The following SHANK2 variants were observed in gnomAD, a reference collection of about 807,000 sequenced individuals.
The protein encoded by SHANK2 is SH3 and multiple ankyrin repeat domains 2.
SHANK2 carries 43 observed loss-of-function variants against 133.7 expected under a neutral mutation model. The ratio of observed to expected loss-of-function variants is 0.32; its 90% CI spans 0.25 to 0.41. SHANK2 has a LOEUF of 0.41. Among genes scored for constraint, SHANK2 ranks in the 10% least tolerant of loss-of-function variants. SHANK2 has a pLI of 1.00. For synonymous variants in SHANK2, 1,017 were observed against 952.8 expected (o/e 1.07, Z -1.24); for missense variants, 1,994 against 2,235.8 (o/e 0.89, Z 2.18).
intron 17 of SHANK2, among the ~76,000 whole-genome samples, chr11:70,568,650 C>CCCT (rs575894929): frequency 7.2e-5 from 9 of 124,862 alleles, no homozygotes; most frequent in Admixed American, 2.4e-4. Flanking sequence ...ATTCCTGCCC[C>CCCT]CCCCGCCCAC....
At chr11:70,492,291 A>G in intron 22 of SHANK2, 44 bp downstream of exon 22, 4 of 1,602,584 alleles carry the variant, frequency 2.5e-6, no homozygotes. Flanking sequence ...CTTCCTGGGC[A>G]CCGTCGGCCC....
chr11:71,246,460 T>A (rs1464701012), intron 1 of SHANK2, among the ~76,000 whole-genome samples: 2 of 152,172 alleles, frequency 1.3e-5, no homozygotes, highest in Non-Finnish European at 2.9e-5. Context: ...TGGCATCACA[T>A]GTCACTGCCT....
intron 17 of SHANK2, among the ~76,000 whole-genome samples, chr11:70,590,886 G>C (rs1321201124): frequency 6.6e-6 from 1 of 152,186 alleles, no homozygotes. Flanking sequence ...AGAGCTGAGA[G>C]TCATCCTGGA....
At chr11:70,818,945 C>A (rs1164663958) in intron 12 of SHANK2, among the ~76,000 whole-genome samples, 1 of 152,250 alleles carries the variant, frequency 6.6e-6, no homozygotes, top group African/African-American at 2.4e-5. Flanking sequence ...ACGGAGCTTG[C>A]CAGGTGGAGC....
chr11:70,953,739 C>A (rs2135907447), intron 10 of SHANK2, among the ~76,000 whole-genome samples: 1 of 152,358 alleles, frequency 6.6e-6, no homozygotes, highest in East Asian at 1.9e-4. Flanking sequence ...TGTCCACCTT[C>A]TCTGGCGACA....
At chr11:71,086,057 ATATAT>A (rs1388842679) in intron 8 of SHANK2, among the ~76,000 whole-genome samples, 3 of 78,154 alleles carry the variant, frequency 3.8e-5, no homozygotes, top group African/African-American at 5.6e-5. Flanking sequence ...ATGTTATATA[ATATAT>A]TATATAATAT....
At chr11:70,756,920 C>T (rs1946888469) in intron 14 of SHANK2, among the ~76,000 whole-genome samples, 1 of 152,190 alleles carries the variant, frequency 6.6e-6, no homozygotes, top group African/African-American at 2.4e-5. Context: ...TGGGCTCAGA[C>T]CCAGGCTCCA....
chr11:70,946,926 T>G (rs1167233274), intron 10 of SHANK2, among the ~76,000 whole-genome samples: 3 of 118,916 alleles, frequency 2.5e-5, no homozygotes, highest in African/African-American at 1.0e-4. Flanking sequence ...AGGCTCACCC[T>G]CCCTCTCCAC....
At position 71,207,225 on chromosome 11, in the gene SHANK2, G is replaced by C. The variant is rs185012972; in HGVS notation, c.-13+17472C>G. ...GACAGAGTCTTACTCTATCAACCAG[G>C]CTGGAGTGCAATGGCGCAATCTCGG... On this transcript the variant is annotated intron_variant, in intron 2 of 25. Transcript: ENST00000601538. 4.4e-3 allele frequency among the ~76,000 whole-genome samples: 649 copies of C among 146,854 alleles called. 9 individuals carry two copies. Among genetic ancestry groups the C allele is most frequent in the African/African-American group, 0.016 (625 of 39,212 alleles).
intron 2 of SHANK2, among the ~76,000 whole-genome samples, chr11:71,168,013 TCC>T (rs1555111445): frequency 4.6e-4 from 64 of 140,122 alleles, no homozygotes; most frequent in African/African-American, 1.1e-3. Flanking sequence ...GCGGAGGGGC[TCC>T]TCACTTCTCA....
intron 17 of SHANK2, chr11:70,647,577 T>G (rs1346804350): frequency 2.0e-5 from 3 of 152,200 alleles, no homozygotes; most frequent in Non-Finnish European, 2.9e-5. Context: ...CAAAGTGAGT[T>G]CATGTGTGTG....
chr11:71,089,446 A>AGTGT (rs1262578229), intron 8 of SHANK2, among the ~76,000 whole-genome samples: 221 of 151,280 alleles, frequency 1.5e-3, no homozygotes, highest in African/African-American at 5.3e-3. Context: ...CGTGCGTGCG[A>AGTGT]GTGTGTGTGT....
At chr11:70,684,455 G>A (rs1278566630) in intron 15 of SHANK2, among the ~76,000 whole-genome samples, 3 of 152,146 alleles carry the variant, frequency 2.0e-5, no homozygotes, top group Non-Finnish European at 2.9e-5. Context: ...AGCTACTTGG[G>A]AGGCTGAGGT....
intron 2 of SHANK2, among the ~76,000 whole-genome samples, chr11:71,176,564 G>GA: frequency 6.6e-6 from 1 of 152,236 alleles, no homozygotes; most frequent in East Asian, 1.9e-4. Context: ...TATCTGAAGT[G>GA]AAAAATACCC....
intron 17 of SHANK2, among the ~76,000 whole-genome samples, chr11:70,530,751 G>A (rs2059457214): frequency 6.6e-6 from 1 of 152,138 alleles, no homozygotes; most frequent in Non-Finnish European, 1.5e-5. Flanking sequence ...TGAAGAGCTA[G>A]TGTTTACTGG....
chr11:70,898,311 C>CACAT (rs1489858585), intron 10 of SHANK2, among the ~76,000 whole-genome samples: 17 of 145,184 alleles, frequency 1.2e-4, no homozygotes, highest in South Asian at 4.3e-4. Flanking sequence ...CACACACACA[C>CACAT]ATATATATAT....
At chr11:71,136,313 A>T (rs77314900) in intron 3 of SHANK2, among the ~76,000 whole-genome samples, 1,839 of 152,296 alleles carry the variant, frequency 0.012, 12 homozygotes, top group East Asian at 0.02. Context: ...ACTCAGCCAT[A>T]AAAAAGGAGA....
chr11:70,952,376 A>G (rs1432116740), intron 10 of SHANK2, among the ~76,000 whole-genome samples: 2 of 152,242 alleles, frequency 1.3e-5, no homozygotes, highest in Non-Finnish European at 2.9e-5. Context: ...CACAACACAA[A>G]ACCTTTCCAA....
intron 14 of SHANK2, among the ~76,000 whole-genome samples, chr11:70,747,008 T>TACTCCCCTCCCTCCCCCCCTGC (rs1946654302): frequency 8.0e-6 from 1 of 124,664 alleles, no homozygotes; most frequent in African/African-American, 3.3e-5. Context: ...CCTACCCCTG[T>TACTCCCCTCCCTCCCCCCCTGC]ACTCCCCTCC....
Sources: gnomAD v4.1 joint callset for allele counts (sites outside exome capture counted in the v4.1 genomes callset) on GRCh38, gnomAD v4.1.1 for gene constraint, MANE v1.5 for transcripts, NCBI Gene and HGNC (gene_info 2026-07-23, HGNC 2026-07-21) for gene names.